DACH1: variants seen among roughly 807,000 people sequenced by gnomAD.
DACH1 encodes dachshund homolog 1.
Under a neutral mutation model 54.2 loss-of-function variants are expected in DACH1, and 12 were observed. That is an observed-to-expected ratio of 0.22 (90% CI 0.14 to 0.36). DACH1 has a LOEUF of 0.36. Ranked by LOEUF, DACH1 falls within the 10% of genes least tolerant of loss-of-function variation. The probability of loss-of-function intolerance (pLI) is 1.00; values close to 1 mark genes in which losing one functional copy is unlikely to be tolerated. For synonymous variants in DACH1, 386 were observed against 366.2 expected, an observed-to-expected ratio of 1.05 and a Z score of -0.62; for missense variants, 805 against 929.8, an observed-to-expected ratio of 0.87 and a Z score of 1.75.
At chr13:71,688,777 A>G (rs1275385946) in intron 1 of DACH1, among the ~76,000 whole-genome samples, 1 of 152,220 alleles carries the variant, frequency 6.6e-6, no homozygotes, top group Non-Finnish European at 1.5e-5. Flanking sequence ...CAGTACACCA[A>G]ATGAATAAAT....
chr13:71,698,745 G>T (rs546645979), intron 1 of DACH1, among the ~76,000 whole-genome samples: 65 of 152,126 alleles, frequency 4.3e-4, no homozygotes, highest in African/African-American at 1.3e-3. Flanking sequence ...TTTTGTATAG[G>T]CTATCAGTAT....
At chr13:71,682,523 GA>G (rs1880963213) in intron 1 of DACH1, among the ~76,000 whole-genome samples, 1 of 152,132 alleles carries the variant, frequency 6.6e-6, no homozygotes, top group Non-Finnish European at 1.5e-5. Context: ...TCTAATGTGT[GA>G]AAAGGTCTTG....
chr13:71,827,982 G>A (rs1888443437), intron 1 of DACH1, among the ~76,000 whole-genome samples: 1 of 151,934 alleles, frequency 6.6e-6, no homozygotes, highest in Non-Finnish European at 1.5e-5. Context: ...GAGGTTATCT[G>A]TAAATTTATA....
intron 2 of DACH1, among the ~76,000 whole-genome samples, chr13:71,680,623 T>C (rs1880843591): frequency 6.6e-6 from 1 of 152,016 alleles, no homozygotes; most frequent in Non-Finnish European, 1.5e-5. Context: ...AAAATTAAAA[T>C]TAAAATTAAA....
chr13:71,438,162 A>G lies in DACH1; in HGVS notation c.*2493T>C, dbSNP rs1873677655. 1 of 152,424 alleles carries G rather than the reference A, an allele frequency of 6.6e-6. No individual in the cohort carries two copies. Among genetic ancestry groups the G allele is most frequent in the Admixed American group, 6.6e-5 (1 of 15,258 alleles). 9.4% of individuals were successfully genotyped at this position (152,424 alleles called of 1,614,324 possible). On this transcript the variant is annotated 3_prime_UTR_variant, in exon 11 of 11. Coordinates refer to ENST00000613252, the MANE Select transcript of DACH1 (RefSeq NM_080759.6). The stretch of plus-strand genomic sequence containing the variant: ...ACAACAAAATTCGTAATAACCTTTT[A>G]TCATTTTTAGAAAACTTTAAATATA...
chr13:71,579,268 C>G (rs1257724438), intron 3 of DACH1, among the ~76,000 whole-genome samples: 2 of 152,058 alleles, frequency 1.3e-5, no homozygotes, highest in African/African-American at 4.8e-5. Flanking sequence ...AATTTCTTCA[C>G]CTACTTAAGA....
chr13:71,678,668 T>C (rs1880714097), intron 2 of DACH1, among the ~76,000 whole-genome samples: 1 of 151,982 alleles, frequency 6.6e-6, no homozygotes, highest in South Asian at 2.1e-4. Flanking sequence ...CTTTCTTTTT[T>C]TTCTTTCAGA....
At chr13:71,761,494 G>A (rs936237398) in intron 1 of DACH1, among the ~76,000 whole-genome samples, 5 of 152,148 alleles carry the variant, frequency 3.3e-5, no homozygotes, top group African/African-American at 4.8e-5. Flanking sequence ...AGTAGGAAGC[G>A]AGATGAATTG....
At chr13:71,457,436 T>G (rs1016943314) in intron 10 of DACH1, among the ~76,000 whole-genome samples, 10 of 152,006 alleles carry the variant, frequency 6.6e-5, no homozygotes, top group Non-Finnish European at 1.2e-4. Context: ...TAATTTCATG[T>G]ACATAATCTA....
chr13:71,864,856 G>T (rs9318039), intron 1 of DACH1, among the ~76,000 whole-genome samples: 89,345 of 151,694 alleles, frequency 0.59, 29,293 homozygotes, highest in Middle Eastern at 0.82. Flanking sequence ...CTGGGCTGGG[G>T]AAGCCAAGGC....
chr13:71,575,876 T>C (rs567796057), intron 3 of DACH1, among the ~76,000 whole-genome samples: 4 of 152,178 alleles, frequency 2.6e-5, no homozygotes, highest in Admixed American at 2.6e-4. Context: ...AAATATACAA[T>C]ATGTAACCAA....
At chr13:71,833,205 A>C (rs906537384) in intron 1 of DACH1, among the ~76,000 whole-genome samples, 15 of 151,882 alleles carry the variant, frequency 9.9e-5, no homozygotes, top group Admixed American at 1.3e-4. Flanking sequence ...GCTCAGTGAG[A>C]AATACCTGCC....
chr13:71,597,058 T>C (rs2138479021), intron 3 of DACH1, among the ~76,000 whole-genome samples: 1 of 152,272 alleles, frequency 6.6e-6, no homozygotes, highest in Non-Finnish European at 1.5e-5. Flanking sequence ...AAGTGATAAA[T>C]GTCACTCAAG....
chr13:71,515,941 T>G (rs1233390525), intron 6 of DACH1, among the ~76,000 whole-genome samples: 1 of 151,870 alleles, frequency 6.6e-6, no homozygotes, highest in Non-Finnish European at 1.5e-5. Context: ...ACAACCACTA[T>G]TTCTCTGTCA....
intron 6 of DACH1, among the ~76,000 whole-genome samples, chr13:71,520,951 A>G (rs1450294998): frequency 6.6e-6 from 1 of 152,022 alleles, no homozygotes; most frequent in African/African-American, 2.4e-5. Context: ...AAGCATACAT[A>G]CATTTAAGCT....
chr13:71,786,153 A>C (rs777083336), intron 1 of DACH1, among the ~76,000 whole-genome samples: 2 of 152,252 alleles, frequency 1.3e-5, no homozygotes, highest in Non-Finnish European at 2.9e-5. Context: ...GCCCTGAAAA[A>C]TAAAATACGT....
intron 6 of DACH1, among the ~76,000 whole-genome samples, chr13:71,515,839 C>T (rs1881113919): frequency 1.3e-5 from 2 of 151,856 alleles, no homozygotes; most frequent in Non-Finnish European, 2.9e-5. Context: ...GCCATCTGCT[C>T]TGCACACGTT....
At chr13:71,456,038 T>C (rs1322001823) in intron 10 of DACH1, among the ~76,000 whole-genome samples, 2 of 152,128 alleles carry the variant, frequency 1.3e-5, no homozygotes, top group African/African-American at 2.4e-5. Flanking sequence ...GTAATGCTAA[T>C]AGATAATTTT....
intron 1 of DACH1, among the ~76,000 whole-genome samples, chr13:71,848,214 CA>C (rs34706573): frequency 0.39 from 58,977 of 151,440 alleles, 13,856 homozygotes; most frequent in East Asian, 0.83. Flanking sequence ...TATCCCCCCC[CA>C]AAAAAATGGT....
Sources: gnomAD v4.1 joint callset for allele counts (sites outside exome capture counted in the v4.1 genomes callset) on GRCh38, gnomAD v4.1.1 for gene constraint, MANE v1.5 for transcripts, NCBI Gene and HGNC (gene_info 2026-07-23, HGNC 2026-07-21) for gene names.